The following MCTP2 variants were observed in gnomAD, a reference collection of about 807,000 sequenced individuals.
MCTP2 encodes the protein multiple C2 and transmembrane domain containing 2, also known as multiple C2 and transmembrane domain-containing protein 2.
In MCTP2, 132 loss-of-function variants were observed where a neutral mutation model predicts 111.6. That is an observed-to-expected ratio of 1.18 (90% confidence interval 1.03 to 1.37). The LOEUF is 1.37. Ranked by LOEUF, MCTP2 falls within the 40% of genes most tolerant of loss-of-function variation. The pLI is 0.00. For synonymous variants in MCTP2, 395 were observed against 387.7 expected, an observed-to-expected ratio of 1.02 and a Z score of -0.22; for missense variants, 1,183 against 1,067.9, an observed-to-expected ratio of 1.11 and a Z score of -1.50.
chr15:94,251,363 GT>G (rs11337830), intron 1 of MCTP2, among the ~76,000 whole-genome samples: 74,221 of 146,162 alleles, frequency 0.51, 18,234 homozygotes, highest in Middle Eastern at 0.57. Context: ...TACGCATTTT[GT>G]TTTTTTTTTT....
Position 94,265,382 on chromosome 15 carries a change from C to T in MCTP2, c.-65-32819C>T, listed in dbSNP as rs576618412. Among the ~76,000 whole-genome samples the T allele has an allele frequency of 5.3e-5, 8 of 152,272 alleles. No individual in the cohort carries two copies. The South Asian group carries it at 1.7e-3, about 32-fold the overall frequency. On this transcript the variant is annotated intron_variant, in intron 1 of 22. Coordinates refer to ENST00000357742, the MANE Select transcript of MCTP2 (RefSeq NM_001385001.1). ...TACTTTGTCCAAGGGGTCACGTGGACTTGGACATTGTGGCTGGGACCTTAA... is the reference window on the plus strand; with the variant it reads ...TACTTTGTCCAAGGGGTCACGTGGATTTGGACATTGTGGCTGGGACCTTAA...
At chr15:94,342,397 A>G (rs1165046151) in intron 7 of MCTP2, 5 of 152,180 alleles carry the variant, frequency 3.3e-5, no homozygotes, top group African/African-American at 9.7e-5. Context: ...TCAGGGCTCA[A>G]GAATAGCCAT....
chr15:94,299,979 T>C (rs995647641), intron 2 of MCTP2, among the ~76,000 whole-genome samples: 1 of 152,220 alleles, frequency 6.6e-6, no homozygotes, highest in Non-Finnish European at 1.5e-5. Flanking sequence ...TTTTGACTTT[T>C]TAGTTATTTA....
rs141523975 is a variant in MCTP2, at chr15:94,387,431, G to A, written c.1788+1906G>A. Among the ~76,000 whole-genome samples the A allele has an allele frequency of 7.2e-5, 11 of 152,092 alleles. 1 individual carries two copies. Among genetic ancestry groups the A allele is most frequent in the African/African-American group, 1.7e-4 (7 of 41,472 alleles). ...TAGAGATCACTTCCAGTCAAGAACC[G>A]CTGACCTAAACTAATGCATTTTTCA... On this transcript the variant is annotated intron_variant, in intron 14 of 22. Coordinates refer to ENST00000357742, the MANE Select transcript of MCTP2 (RefSeq NM_001385001.1).
At chr15:94,242,649 T>G (rs2071059819) in intron 1 of MCTP2, among the ~76,000 whole-genome samples, 1 of 152,036 alleles carries the variant, frequency 6.6e-6, no homozygotes, top group Admixed American at 6.6e-5. Flanking sequence ...AACTTGAGGC[T>G]GTTATTTTTA....
At chr15:94,426,529 T>A (rs568626507) in intron 17 of MCTP2, among the ~76,000 whole-genome samples, 1 of 152,224 alleles carries the variant, frequency 6.6e-6, no homozygotes, top group Admixed American at 6.5e-5. Context: ...TTCATTTTGT[T>A]TATGAAGTTC....
At position 94,364,551 on chromosome 15, in the gene MCTP2, T is replaced by C. The variant is rs192360005; in HGVS notation, c.1302-3054T>C. Among the ~76,000 whole-genome samples, 478 of 152,310 alleles carry C rather than the reference T, an allele frequency of 3.1e-3. 2 individuals are homozygous for C. Among genetic ancestry groups the C allele is most frequent in the Non-Finnish European group, 4.6e-3 (311 of 68,018 alleles). ...TCGTGTTAAAGGTGTCTTTGATTAATGTATTATAGAATGTTTACGTCTTAA... is the reference window on the plus strand; with the variant it reads ...TCGTGTTAAAGGTGTCTTTGATTAACGTATTATAGAATGTTTACGTCTTAA... On this transcript the variant is annotated intron_variant, in intron 10 of 22. Transcript: ENST00000357742.
At chr15:94,392,536 T>A (rs2081046104) in intron 14 of MCTP2, among the ~76,000 whole-genome samples, 1 of 151,616 alleles carries the variant, frequency 6.6e-6, no homozygotes, top group Admixed American at 6.6e-5. Flanking sequence ...AGAAACAGGC[T>A]GGGTGTGGTG....
intron 1 of MCTP2, among the ~76,000 whole-genome samples, chr15:94,289,041 A>G (rs1241560535): frequency 2.0e-5 from 3 of 152,244 alleles, no homozygotes; most frequent in African/African-American, 7.2e-5. Context: ...CAAAAGGCTA[A>G]TATTTGTATC....
intron 4 of MCTP2, among the ~76,000 whole-genome samples, chr15:94,317,934 CTAT>C (rs10617653): frequency 0.57 from 86,500 of 151,348 alleles, 24,947 homozygotes; most frequent in East Asian, 0.61. Flanking sequence ...CTTCTCATTT[CTAT>C]TATTATTATA....
intron 4 of MCTP2, among the ~76,000 whole-genome samples, chr15:94,330,775 C>T (rs1300266973): frequency 7.0e-6 from 1 of 141,894 alleles, no homozygotes; most frequent in Non-Finnish European, 1.5e-5. Context: ...CACTCTGTTG[C>T]CCAGGCTGGA....
chr15:94,267,879 T>TTTTTTTTTTTTTTTTTTTTTTTTG (rs2073648249), intron 1 of MCTP2, among the ~76,000 whole-genome samples: 1 of 127,774 alleles, frequency 7.8e-6, no homozygotes, highest in Non-Finnish European at 1.6e-5. Flanking sequence ...CTTTTTTTTT[T>TTTTTTTTTTTTTTTTTTTTTTTTG]TTTTGAGACA....
chr15:94,358,286 G>A (rs567495286), intron 9 of MCTP2, among the ~76,000 whole-genome samples, 196 bp from the exon 10 acceptor site: 63 of 152,258 alleles, frequency 4.1e-4, no homozygotes, highest in Non-Finnish European at 5.1e-4. Context: ...CTGGGGGGCA[G>A]CTAAGATAGT....
chr15:94,401,811 A>G (rs1410183547), intron 16 of MCTP2, 89 bp from the exon 17 acceptor site: 9 of 1,003,324 alleles, frequency 9.0e-6, no homozygotes, highest in Non-Finnish European at 1.3e-5. Context: ...TCTATACAAA[A>G]TATAATTTAA....
rs111838483 is a variant in MCTP2 at position 94,344,993 on chromosome 15, A to G, written c.970-136A>G. Reference sequence around the variant, plus strand: ...TTTCTTGCTCAAATATGCTTTCTCTATAACCTCAGAACTTGGATATTAATT... The same window carrying G: ...TTTCTTGCTCAAATATGCTTTCTCTGTAACCTCAGAACTTGGATATTAATT... On this transcript the variant is annotated intron_variant, in intron 7 of 22. Coordinates refer to ENST00000357742, the MANE Select transcript of MCTP2 (RefSeq NM_001385001.1). 393 of 1,002,262 alleles carry G rather than the reference A, an allele frequency of 3.9e-4. 4 individuals carry two copies. The East Asian group carries it at 5.1e-3, about 13-fold the overall frequency. 62.1% of individuals were successfully genotyped at this position (1,002,262 alleles called of 1,614,324 possible).
At chr15:94,459,724 C>G (rs1399433087) in intron 20 of MCTP2, among the ~76,000 whole-genome samples, 1 of 152,028 alleles carries the variant, frequency 6.6e-6, no homozygotes, top group Non-Finnish European at 1.5e-5. Context: ...TATTCATTTC[C>G]TCACTCAACT....
intron 1 of MCTP2, among the ~76,000 whole-genome samples, chr15:94,284,977 A>G (rs1464580595): frequency 1.3e-5 from 2 of 152,222 alleles, no homozygotes; most frequent in African/African-American, 2.4e-5. Flanking sequence ...ATTTTGATTA[A>G]TATTTCAGGG....
At chr15:94,262,759 C>T (rs1475916860) in intron 1 of MCTP2, among the ~76,000 whole-genome samples, 4 of 151,980 alleles carry the variant, frequency 2.6e-5, no homozygotes. Context: ...CAACCTCAGC[C>T]TCCTGGGTTC....
intron 1 of MCTP2, among the ~76,000 whole-genome samples, chr15:94,261,715 G>C (rs184475945): frequency 4.7e-4 from 71 of 152,302 alleles, no homozygotes; most frequent in African/African-American, 1.7e-3. Context: ...GACACAGGTA[G>C]TGTTCATTAG....
Sources: allele counts gnomAD v4.1 joint callset (sites outside exome capture counted in the v4.1 genomes callset), GRCh38; gene constraint gnomAD v4.1.1; transcripts MANE v1.5; gene names NCBI Gene and HGNC (gene_info 2026-07-23, HGNC 2026-07-21).